Variants in PRR16 observed in about 807,000 individuals in gnomAD.
PRR16 encodes the protein proline rich 16.
PRR16 carries 6 observed loss-of-function variants against 18.2 expected under a neutral mutation model. That is an observed-to-expected ratio of 0.33 (90% confidence interval 0.18 to 0.65). The LOEUF is 0.65. Ranked by LOEUF, PRR16 falls within the 30% of genes least tolerant of loss-of-function variation. The pLI, the probability that PRR16 is intolerant of heterozygous loss-of-function variation, is 0.74. For missense variants in PRR16, 412 were observed against 376.6 expected (o/e 1.09, Z -0.78); for synonymous variants, 151 against 147.8 (o/e 1.02, Z -0.16).
chr5:120,493,635 T>C (rs1750141380), intron 1 of PRR16, among the ~76,000 whole-genome samples: 1 of 152,162 alleles, frequency 6.6e-6, no homozygotes, highest in Non-Finnish European at 1.5e-5. Context: ...AACAGCACCA[T>C]TGCCACAAGG....
At chr5:120,514,988 C>A (rs866578682) in intron 1 of PRR16, among the ~76,000 whole-genome samples, 1 of 152,162 alleles carries the variant, frequency 6.6e-6, no homozygotes, top group Admixed American at 6.5e-5. Flanking sequence ...TTCTTAGTAT[C>A]AATTTTCTTT....
intron 1 of PRR16, among the ~76,000 whole-genome samples, chr5:120,587,261 A>T (rs1753479654): frequency 6.6e-6 from 1 of 152,224 alleles, no homozygotes; most frequent in Non-Finnish European, 1.5e-5. Context: ...GCAGCAGATG[A>T]TGGAGAAGCT....
At chr5:120,610,752 CTA>C (rs1489895014) in intron 1 of PRR16, among the ~76,000 whole-genome samples, 1 of 152,084 alleles carries the variant, frequency 6.6e-6, no homozygotes, top group African/African-American at 2.4e-5. Flanking sequence ...CCAGTGTTGG[CTA>C]TGTCTTTATC....
At chr5:120,620,612 A>G (rs1459091619) in intron 1 of PRR16, among the ~76,000 whole-genome samples, 1 of 152,128 alleles carries the variant, frequency 6.6e-6, no homozygotes, top group Non-Finnish European at 1.5e-5. Flanking sequence ...GGTTCTATGT[A>G]TGGAACAGAT....
At chr5:120,749,863 A>G in the PRR16 span, among the ~76,000 whole-genome samples, 2 of 152,148 alleles carry the variant, frequency 1.3e-5, no homozygotes, top group African/African-American at 4.8e-5. Context: ...TCATGTTGAA[A>G]TGTTCTAATA....
At chr5:120,772,802 A>G in the PRR16 span, among the ~76,000 whole-genome samples, 3 of 152,096 alleles carry the variant, frequency 2.0e-5, no homozygotes, top group African/African-American at 7.2e-5. Flanking sequence ...CTCTCTAAAT[A>G]TTTGTTTTAA....
intron 1 of PRR16, among the ~76,000 whole-genome samples, chr5:120,654,244 C>T (rs112556135): frequency 6.6e-6 from 1 of 151,944 alleles, no homozygotes; most frequent in Non-Finnish European, 1.5e-5. Flanking sequence ...ATTGAATATG[C>T]ACTGGACTAC....
At chr5:120,522,648 C>T (rs979100638) in intron 1 of PRR16, among the ~76,000 whole-genome samples, 7 of 152,146 alleles carry the variant, frequency 4.6e-5, no homozygotes, top group Non-Finnish European at 5.9e-5. Context: ...TTCTGTCGCC[C>T]AGGCTGGAGT....
chr5:120,488,564 G>A (rs575765211), intron 1 of PRR16, among the ~76,000 whole-genome samples: 127 of 152,004 alleles, frequency 8.4e-4, no homozygotes, highest in South Asian at 4.4e-3. Context: ...CCTTGCTAGC[G>A]GTCTATCAAT....
chr5:120,768,613 T>C, the PRR16 span, among the ~76,000 whole-genome samples: 9 of 151,828 alleles, frequency 5.9e-5, no homozygotes, highest in African/African-American at 1.9e-4. Context: ...CCTGAGGTTT[T>C]ATAAGAAGGA....
chr5:120,598,753 A>G (rs188163184), intron 1 of PRR16, among the ~76,000 whole-genome samples: 172 of 152,042 alleles, frequency 1.1e-3, no homozygotes, highest in African/African-American at 3.8e-3. Context: ...GCTGCAAAAG[A>G]CATGATTTCA....
At chr5:120,730,126 T>C in the PRR16 span, among the ~76,000 whole-genome samples, 8 of 152,178 alleles carry the variant, frequency 5.3e-5, no homozygotes, top group Non-Finnish European at 1.2e-4. Context: ...TTAGAAATCA[T>C]TGTACTACTT....
chr5:120,537,168 C>T (rs947221936), intron 1 of PRR16, among the ~76,000 whole-genome samples: 18 of 152,028 alleles, frequency 1.2e-4, no homozygotes, highest in Admixed American at 3.9e-4. Flanking sequence ...ATAACAAACC[C>T]GCACATGTAC....
At chr5:120,703,202 G>T in the PRR16 span, among the ~76,000 whole-genome samples, 1 of 152,262 alleles carries the variant, frequency 6.6e-6, no homozygotes, top group East Asian at 1.9e-4. Context: ...GAGCCAGGAT[G>T]AGCCAGGAAA....
At chr5:120,564,139 C>T (rs138381704) in intron 1 of PRR16, among the ~76,000 whole-genome samples, 231 of 152,252 alleles carry the variant, frequency 1.5e-3, no homozygotes, top group African/African-American at 5.3e-3. Flanking sequence ...AGACAAAGTC[C>T]TCTTTACTCT....
At chr5:120,722,325 C>T in the PRR16 span, among the ~76,000 whole-genome samples, 1 of 151,940 alleles carries the variant, frequency 6.6e-6, no homozygotes, top group Non-Finnish European at 1.5e-5. Context: ...CAGGGTTAAG[C>T]ATTCTCTTTA....
intron 1 of PRR16, among the ~76,000 whole-genome samples, chr5:120,650,295 T>G (rs960119777): frequency 1.2e-4 from 18 of 151,342 alleles, no homozygotes; most frequent in African/African-American, 4.4e-4. Flanking sequence ...AAACTTCAAC[T>G]AGTTCAGATT....
At chr5:120,751,919 TA>T in the PRR16 span, among the ~76,000 whole-genome samples, 1 of 152,120 alleles carries the variant, frequency 6.6e-6, no homozygotes, top group Non-Finnish European at 1.5e-5. Flanking sequence ...AATTATGTGA[TA>T]TTAAACTCCA....
At chr5:120,707,157 T>C in the PRR16 span, among the ~76,000 whole-genome samples, 96 of 152,334 alleles carry the variant, frequency 6.3e-4, no homozygotes, top group Non-Finnish European at 1.3e-4. Flanking sequence ...TGCAGTCTTA[T>C]TTAACATTTA....
Sources: gnomAD v4.1 joint callset for allele counts (sites outside exome capture counted in the v4.1 genomes callset) on GRCh38, gnomAD v4.1.1 for gene constraint, MANE v1.5 for transcripts, NCBI Gene and HGNC (gene_info 2026-07-23, HGNC 2026-07-21) for gene names.